Variants in SLC4A7 observed in about 807,000 individuals in gnomAD.
The protein encoded by SLC4A7 is solute carrier family 4 member 7.
A neutral mutation model predicts 137.6 loss-of-function variants in SLC4A7; 51 were observed. The ratio of observed to expected loss-of-function variants is 0.37; its 90% CI spans 0.30 to 0.47. SLC4A7 has a LOEUF of 0.47. Among genes scored for constraint, SLC4A7 ranks in the 20% least tolerant of loss-of-function variants. SLC4A7 has a pLI of 1.00. For synonymous variants in SLC4A7, 542 were observed against 518.6 expected (o/e 1.05, Z -0.61); for missense variants, 1,247 against 1,525.4 (o/e 0.82, Z 3.04).
intron 13 of SLC4A7, among the ~76,000 whole-genome samples, chr3:27,407,407 G>A (rs1418895111): frequency 2.0e-5 from 3 of 150,990 alleles, no homozygotes; most frequent in African/African-American, 4.9e-5. Flanking sequence ...TTGAACCCGA[G>A]AAGCGGAGGT....
intron 3 of SLC4A7, among the ~76,000 whole-genome samples, chr3:27,446,382 T>C (rs1213360854): frequency 6.6e-6 from 1 of 152,172 alleles, no homozygotes; most frequent in Non-Finnish European, 1.5e-5. Context: ...AAATTGGTAG[T>C]TAAGACAAAA....
chr3:27,479,492 GA>G (rs533461346), intron 1 of SLC4A7, among the ~76,000 whole-genome samples: 67 of 152,142 alleles, frequency 4.4e-4, no homozygotes, highest in African/African-American at 1.5e-3. Context: ...TCCATGAAAG[GA>G]AAGAGTCACT....
intron 7 of SLC4A7, 148 bp downstream of exon 7, chr3:27,431,146 AATCT>A: frequency 1.2e-6 from 1 of 834,794 alleles, no homozygotes; most frequent in Non-Finnish European, 1.7e-6. Flanking sequence ...AACCTAACAC[AATCT>A]ATCATAAAGA....
In SLC4A7 at chr3:27,407,558, A is replaced by G. The variant is rs543488847; in HGVS notation, c.1941+1798T>C. Among the ~76,000 whole-genome samples, 6 of 151,676 alleles carry G rather than the reference A, an allele frequency of 4.0e-5. No homozygotes were observed. In the East Asian group the frequency reaches 1.2e-3, roughly 29 times the overall value. ...TTCAGAAGTTTCCATTGTACCCATC[A>G]GAAGGCCTACCTACCCTTACCTTCC... On this transcript the variant is annotated intron_variant, in intron 13 of 25. Coordinates refer to ENST00000454389, the MANE Select transcript of SLC4A7 (RefSeq NM_001321103.2).
At chr3:27,377,474 C>A (rs1389042778) in intron 25 of SLC4A7, among the ~76,000 whole-genome samples, 4 of 152,120 alleles carry the variant, frequency 2.6e-5, no homozygotes, top group Admixed American at 2.0e-4. Context: ...CTCACTGCAA[C>A]CTCCACCTCC....
At chr3:27,429,715 G>A (rs1046496549) in intron 7 of SLC4A7, among the ~76,000 whole-genome samples, 1 of 151,912 alleles carries the variant, frequency 6.6e-6, no homozygotes, top group Admixed American at 6.6e-5. Context: ...CTGGGTGGTA[G>A]TGGCACGCGC....
At chr3:27,451,793 T>C (rs2058089776) in intron 2 of SLC4A7, among the ~76,000 whole-genome samples, 1 of 152,170 alleles carries the variant, frequency 6.6e-6, no homozygotes, top group Non-Finnish European at 1.5e-5. Flanking sequence ...TTAACCAATG[T>C]TAATTTCTTC....
intron 11 of SLC4A7, among the ~76,000 whole-genome samples, chr3:27,417,967 T>C (rs1027975339): frequency 3.9e-5 from 6 of 152,134 alleles, no homozygotes; most frequent in Admixed American, 2.0e-4. Context: ...TAAATTCCCC[T>C]TTGACCCAGC....
rs558794556 is a variant in SLC4A7, at chr3:27,477,957, G to A, written c.60+6110C>T. Among the ~76,000 whole-genome samples, 14 of 152,184 alleles carry A rather than the reference G, an allele frequency of 9.2e-5. No homozygotes were observed. In the East Asian group the frequency reaches 9.7e-4, roughly 11 times the overall value. ...ACCATTCCACACTCCTTTCTGTAACGAAATAAAAGAGGCATCTTCCAAGTG... is the reference window on the plus strand; with the variant it reads ...ACCATTCCACACTCCTTTCTGTAACAAAATAAAAGAGGCATCTTCCAAGTG... On this transcript the variant is annotated intron_variant, in intron 1 of 25. Coordinates refer to ENST00000454389, the MANE Select transcript of SLC4A7 (RefSeq NM_001321103.2).
chr3:27,461,609 A>C (rs1380660839), intron 1 of SLC4A7, among the ~76,000 whole-genome samples: 1 of 150,260 alleles, frequency 6.7e-6, no homozygotes, highest in East Asian at 1.9e-4. Flanking sequence ...TCGTTTACAA[A>C]AAAAAAAAAA....
At chr3:27,425,369 C>CCAAA (rs1559732695) in intron 7 of SLC4A7, among the ~76,000 whole-genome samples, 8 of 24,498 alleles carry the variant, frequency 3.3e-4, no homozygotes, top group African/African-American at 1.8e-3. Context: ...AAACTCCGTC[C>CCAAA]TAAAAAAAAA....
intron 1 of SLC4A7, among the ~76,000 whole-genome samples, chr3:27,478,467 A>T (rs2059562290): frequency 6.7e-6 from 1 of 150,280 alleles, no homozygotes; most frequent in Non-Finnish European, 1.5e-5. Flanking sequence ...GCCGTGACCC[A>T]AGATCGTACC....
chr3:27,421,929 A>C (rs6551200), intron 8 of SLC4A7, 150 bp from the exon 9 acceptor site: 561,521 of 599,308 alleles, frequency 0.94, 263,440 homozygotes, highest in East Asian at 1. Flanking sequence ...ATTTTCACAA[A>C]TATAAAGAAT....
At chr3:27,451,878 T>C (rs1303055337) in intron 2 of SLC4A7, among the ~76,000 whole-genome samples, 1 of 152,168 alleles carries the variant, frequency 6.6e-6, no homozygotes, top group African/African-American at 2.4e-5. Flanking sequence ...GGAGGAACTA[T>C]GTGCTGTCTT....
At chr3:27,452,628 T>C (rs902489451) in intron 1 of SLC4A7, 130 bp from the exon 2 acceptor site, 1 of 471,296 alleles carries the variant, frequency 2.1e-6, no homozygotes, top group South Asian at 5.1e-5. Context: ...TCATTACAGC[T>C]AATTGCATTC....
At chr3:27,477,640 G>A (rs771584247) in intron 1 of SLC4A7, among the ~76,000 whole-genome samples, 4 of 151,890 alleles carry the variant, frequency 2.6e-5, no homozygotes, top group Non-Finnish European at 4.4e-5. Context: ...ATGGAGTCTT[G>A]CTCTGTTGCC....
chr3:27,478,433 G>A (rs979536324), intron 1 of SLC4A7, among the ~76,000 whole-genome samples: 6 of 148,324 alleles, frequency 4.0e-5, no homozygotes, highest in East Asian at 2.0e-4. Context: ...CAGGAGAATC[G>A]CTTGAACCCG....
intron 7 of SLC4A7, among the ~76,000 whole-genome samples, chr3:27,426,981 G>C (rs1256270131): frequency 6.6e-6 from 1 of 152,172 alleles, no homozygotes; most frequent in Admixed American, 6.5e-5. Context: ...AAAGATATCA[G>C]CATTTTCTTT....
rs750909232 is a variant in SLC4A7 at position 27,397,731 on chromosome 3, G to A, written c.2656C>T (p.Leu886Phe). Residue 886 changes from leucine to phenylalanine, a missense_variant, in exon 18 of 26, where the codon CTT (leucine) becomes TTT (phenylalanine). Coordinates refer to ENST00000454389, the MANE Select transcript of SLC4A7 (RefSeq NM_001321103.2). The stretch of plus-strand genomic sequence containing the variant: ...AGTTTAGGAGATGGAACTCCTACAA[G>A]GTAGTCAATTGTAACCATTATTACT... Reference protein sequence around the residue: ...TIVIMVTIDYLVGVPSPKLHV... With the variant: ...TIVIMVTIDYFVGVPSPKLHV... 3 of 1,608,648 alleles carry A rather than the reference G, an allele frequency of 1.9e-6. No individual in the cohort carries two copies. Among genetic ancestry groups the A allele is most frequent in the Non-Finnish European group, 2.5e-6 (3 of 1,177,090 alleles).
Sources: gnomAD v4.1 joint callset for allele counts (sites outside exome capture counted in the v4.1 genomes callset) on GRCh38, gnomAD v4.1.1 for gene constraint, MANE v1.5 for transcripts, NCBI Gene and HGNC (gene_info 2026-07-23, HGNC 2026-07-21) for gene names.